The following GLI3 variants were observed in gnomAD, a reference collection of about 807,000 sequenced individuals.
The protein encoded by GLI3 is transcription activator GLI3.
Under a neutral mutation model 100.8 loss-of-function variants are expected in GLI3, and 20 were observed. The ratio of observed to expected loss-of-function variants is 0.20; its 90% CI spans 0.14 to 0.29. The LOEUF is 0.29. GLI3 is among the 10% of genes least tolerant of loss of function. The probability of loss-of-function intolerance (pLI) is 1.00; values close to 1 mark genes in which losing one functional copy is unlikely to be tolerated. For missense variants in GLI3, 2,040 were observed against 2,128.5 expected, an observed-to-expected ratio of 0.96 and a Z score of 0.82; for synonymous variants, 938 against 860.5, an observed-to-expected ratio of 1.09 and a Z score of -1.58.
chr7:42,101,839 T>A (rs369681782), intron 3 of GLI3, among the ~76,000 whole-genome samples: 1 of 94,084 alleles, frequency 1.1e-5, no homozygotes, highest in African/African-American at 5.7e-5. Context: ...CTCCACCCTC[T>A]CCCACCCCAC....
chr7:41,969,772 G>A (rs561069469), intron 13 of GLI3, among the ~76,000 whole-genome samples: 7 of 152,306 alleles, frequency 4.6e-5, no homozygotes, highest in East Asian at 1.9e-4. Context: ...TTCAATGAGC[G>A]TCCACATTTA....
At chr7:42,140,150 C>T (rs1313980424) in intron 3 of GLI3, among the ~76,000 whole-genome samples, 1 of 152,216 alleles carries the variant, frequency 6.6e-6, no homozygotes, top group Non-Finnish European at 1.5e-5. Context: ...ATATCACCTC[C>T]TCCGGGAGGC....
intron 2 of GLI3, among the ~76,000 whole-genome samples, chr7:42,169,560 G>T (rs34154158): frequency 0.094 from 14,309 of 152,170 alleles, 814 homozygotes; most frequent in African/African-American, 0.17. Flanking sequence ...ATGATATGGA[G>T]GACAAGTCTT....
intron 3 of GLI3, among the ~76,000 whole-genome samples, chr7:42,121,105 G>A (rs969739803): frequency 6.6e-6 from 1 of 152,104 alleles, no homozygotes; most frequent in Admixed American, 6.5e-5. Flanking sequence ...CCAGACAGAC[G>A]ACTCTCTTTC....
At chr7:42,240,109 A>G (rs1788909491), upstream of GLI3, among the ~76,000 whole-genome samples, 1 of 152,142 alleles carries the variant, frequency 6.6e-6, no homozygotes, top group Non-Finnish European at 1.5e-5. Flanking sequence ...CAATGCTACA[A>G]CCTTTGTTTG....
chr7:42,003,566 C>A (rs1788368449), intron 10 of GLI3, among the ~76,000 whole-genome samples: 1 of 152,112 alleles, frequency 6.6e-6, no homozygotes, highest in Non-Finnish European at 1.5e-5. Flanking sequence ...GTTTAAATAA[C>A]CACAGTTTGA....
intron 10 of GLI3, among the ~76,000 whole-genome samples, chr7:42,009,818 T>C (rs1439055876): frequency 6.6e-6 from 1 of 152,168 alleles, no homozygotes; most frequent in Non-Finnish European, 1.5e-5. Context: ...TTCACTGCCA[T>C]TCGTTGATTG....
At chr7:42,020,889 C>CAAAAA (rs371389453) in intron 10 of GLI3, among the ~76,000 whole-genome samples, 8 of 113,122 alleles carry the variant, frequency 7.1e-5, no homozygotes, top group African/African-American at 2.4e-4. Flanking sequence ...GACTCCGTCT[C>CAAAAA]AAAAAAAAAA....
chr7:42,121,302 A>G (rs56098077), intron 3 of GLI3, among the ~76,000 whole-genome samples: 19,061 of 152,244 alleles, frequency 0.13, 1,565 homozygotes, highest in African/African-American at 0.23. Context: ...TCAGTAAGAC[A>G]GAGAAGGTGC....
At chr7:42,100,670 G>T (rs1334631768) in intron 3 of GLI3, among the ~76,000 whole-genome samples, 1 of 152,026 alleles carries the variant, frequency 6.6e-6, no homozygotes, top group South Asian at 2.1e-4. Context: ...TGAAGCCAGG[G>T]GGCGAAGGTT....
At chr7:42,132,379 C>T (rs545482787) in intron 3 of GLI3, among the ~76,000 whole-genome samples, 11 of 152,256 alleles carry the variant, frequency 7.2e-5, no homozygotes, top group South Asian at 6.2e-4. Context: ...GGATTACAGG[C>T]GTGAGCCACC....
chr7:41,966,077 C>A lies in GLI3; in HGVS notation c.2996G>T (p.Gly999Val), dbSNP rs756943513. Residue 999 changes from glycine (G) to valine (V), a missense_variant, in exon 15 of 15, where the codon GGC (glycine) becomes GTC (valine). Coordinates refer to ENST00000395925, the MANE Select transcript of GLI3 (RefSeq NM_000168.6). This position sits in a 1 kb window ranked among gnomAD's most constrained non-coding sequence, Gnocchi z 5.8. ...GTCGCTGGCCCTCCTCACGCCGTGG[C>A]CCGGCGCATCGTGCGGCTGCAGGTG... ...RRHLQPHDAP[G>V]HGVRRASDPV... 6.4e-7 allele frequency: 1 copy of A among 1,571,572 alleles called. No individual in the cohort carries two copies. Among genetic ancestry groups the A allele is most frequent in the Non-Finnish European group, 8.6e-7 (1 of 1,164,964 alleles).
chr7:41,995,580 T>A (rs1363443195), intron 10 of GLI3, among the ~76,000 whole-genome samples: 3 of 152,160 alleles, frequency 2.0e-5, no homozygotes. Flanking sequence ...ACTATGTAGA[T>A]GTAGCTGAGG....
At chr7:42,039,829 T>C (rs1189274614) in intron 7 of GLI3, among the ~76,000 whole-genome samples, 1 of 152,258 alleles carries the variant, frequency 6.6e-6, no homozygotes, top group African/African-American at 2.4e-5. Flanking sequence ...GGCTATTGAC[T>C]AATGTCTGCA....
At chr7:41,974,305 C>T (rs1787445336) in intron 12 of GLI3, among the ~76,000 whole-genome samples, 1 of 152,172 alleles carries the variant, frequency 6.6e-6, no homozygotes, top group Admixed American at 6.5e-5. Context: ...TGAACATACA[C>T]ATTATCTACC....
chr7:42,135,410 A>G (rs1214207350), intron 3 of GLI3, among the ~76,000 whole-genome samples: 7 of 152,208 alleles, frequency 4.6e-5, no homozygotes, highest in African/African-American at 1.7e-4. Context: ...CACAACATGT[A>G]TCTTTATCTC....
chr7:42,215,708 T>C (rs1788363349), intron 2 of GLI3, among the ~76,000 whole-genome samples: 1 of 152,224 alleles, frequency 6.6e-6, no homozygotes, highest in Non-Finnish European at 1.5e-5. Flanking sequence ...CTGATATTCA[T>C]TTATCCCAGG....
intron 2 of GLI3, among the ~76,000 whole-genome samples, chr7:42,188,334 C>T (rs969479631): frequency 1.3e-5 from 2 of 152,032 alleles, no homozygotes; most frequent in Non-Finnish European, 2.9e-5. Context: ...GTATTGAAGA[C>T]GACTAATAAT....
At chr7:42,199,009 A>T (rs927795538) in intron 2 of GLI3, among the ~76,000 whole-genome samples, 1 of 152,022 alleles carries the variant, frequency 6.6e-6, no homozygotes, top group African/African-American at 2.4e-5. Context: ...TTTTTCCCCA[A>T]AATTTATTAT....
Sources: gnomAD v4.1 joint callset for allele counts (sites outside exome capture counted in the v4.1 genomes callset) on GRCh38, gnomAD v4.1.1 for gene constraint, Gnocchi (gnomAD v3.1) non-coding constraint, MANE v1.5 for transcripts, NCBI Gene and HGNC (gene_info 2026-07-23, HGNC 2026-07-21) for gene names.